EIF3J: variants seen among roughly 807,000 people sequenced by gnomAD.
EIF3J encodes eukaryotic translation initiation factor 3, subunit 1 (alpha, 35kD).
EIF3J carries 15 observed loss-of-function variants against 39.0 expected under a neutral mutation model. The observed-to-expected ratio is 0.38, with a 90% CI of 0.26 to 0.59. EIF3J has a LOEUF of 0.59. Among genes scored for constraint, EIF3J ranks in the 20% least tolerant of loss-of-function variants. The pLI is 0.60. For missense variants in EIF3J, 226 were observed against 308.6 expected (o/e 0.73, Z 2.00); for synonymous variants, 98 against 112.9 (o/e 0.87, Z 0.84).
intron 5 of EIF3J, 52 bp downstream of exon 5, chr15:44,554,719 C>T (rs756809308): frequency 8.3e-7 from 1 of 1,208,052 alleles, no homozygotes; most frequent in Non-Finnish European, 1.2e-6. Flanking sequence ...CAGGTGAAGA[C>T]CCAGAAAGTT....
chr15:44,553,382 C>T (rs753833677), intron 4 of EIF3J, among the ~76,000 whole-genome samples: 1 of 151,798 alleles, frequency 6.6e-6, no homozygotes, highest in African/African-American at 2.4e-5. Flanking sequence ...GTCCCAGCTA[C>T]CTGGGAGGCT....
chr15:44,540,256 TA>T (rs1567115179), intron 2 of EIF3J, among the ~76,000 whole-genome samples: 6 of 56,900 alleles, frequency 1.1e-4, no homozygotes, highest in African/African-American at 3.1e-4. Context: ...TATATATATA[TA>T]TATATATATA....
chr15:44,558,946 G>C (rs1392838392), intron 6 of EIF3J: 1 of 152,158 alleles, frequency 6.6e-6, no homozygotes, highest in Non-Finnish European at 1.5e-5. Context: ...AAAAACTGGT[G>C]TCTCTTTCCA....
rs985695036 is a variant in EIF3J, at chr15:44,550,777, A to T, written c.148-99A>T. ...TATAAATTTAATGCAGTACAAAAAA[A>T]TACCAACAAACATTTCTCTGGAGTT... On this transcript the variant is annotated intron_variant, in intron 2 of 7. Coordinates refer to ENST00000261868, the MANE Select transcript of EIF3J (RefSeq NM_003758.4). The T allele has an allele frequency of 8.1e-6, 7 of 864,864 alleles. No homozygotes were observed. In the Admixed American group the frequency reaches 1.3e-4, roughly 17 times the overall value. The allele number at this position is 864,864 out of a possible 1,614,324, so 53.6% of individuals were successfully genotyped here. A position where few individuals can be genotyped will look rare whatever the true frequency, so the allele number is the denominator to read the frequency against.
intron 2 of EIF3J, among the ~76,000 whole-genome samples, chr15:44,549,054 C>A (rs931832715): frequency 7.2e-5 from 11 of 151,788 alleles, no homozygotes; most frequent in African/African-American, 2.7e-4. Flanking sequence ...AAAAATGAAA[C>A]CCTATACATT....
intron 2 of EIF3J, among the ~76,000 whole-genome samples, chr15:44,541,609 G>T (rs980999092): frequency 1.3e-5 from 2 of 152,154 alleles, no homozygotes; most frequent in African/African-American, 4.8e-5. Context: ...TAAATAGTTT[G>T]AATCTACCAG....
chr15:44,540,582 T>C (rs146597362), intron 2 of EIF3J, among the ~76,000 whole-genome samples: 1 of 152,102 alleles, frequency 6.6e-6, no homozygotes, highest in East Asian at 1.9e-4. Context: ...CTATTTATTT[T>C]GAGACAGATT....
rs1270979420 is a variant in EIF3J, at chr15:44,561,727, T to C, written c.*578T>C. On this transcript the variant is annotated 3_prime_UTR_variant, in exon 8 of 8. Coordinates refer to ENST00000261868, the MANE Select transcript of EIF3J (RefSeq NM_003758.4). ...ATTAAAATGACCAAAACCCTCCAAC[T>C]TTGAAGCTAAAGAAGGTAAACCTTT... 6.6e-6 allele frequency: 1 copy of C among 152,516 alleles called. No individual in the cohort carries two copies. The highest frequency in any genetic ancestry group is 1.5e-5 in the Non-Finnish European group (1 of 68,048). The allele number at this position is 152,516 out of a possible 1,614,324, so 9.4% of individuals were successfully genotyped here. A position where few individuals can be genotyped will look rare whatever the true frequency, so the allele number is the denominator to read the frequency against.
intron 4 of EIF3J, among the ~76,000 whole-genome samples, chr15:44,553,628 AGTG>A (rs1409920259): frequency 6.6e-6 from 1 of 152,238 alleles, no homozygotes; most frequent in African/African-American, 2.4e-5. Context: ...AATTTGTTAT[AGTG>A]GTAATTTTAT....
At chr15:44,547,714 C>T (rs2082066531) in intron 2 of EIF3J, among the ~76,000 whole-genome samples, 2 of 151,266 alleles carry the variant, frequency 1.3e-5, no homozygotes, top group Non-Finnish European at 2.9e-5. Context: ...TCCCAAAGTG[C>T]TGGGATTACA....
At chr15:44,548,973 A>G (rs2082076028) in intron 2 of EIF3J, among the ~76,000 whole-genome samples, 1 of 152,176 alleles carries the variant, frequency 6.6e-6, no homozygotes, top group Non-Finnish European at 1.5e-5. Flanking sequence ...TTGGGAAAAA[A>G]ATGAAATTAG....
chr15:44,547,534 C>T (rs1436231966), intron 2 of EIF3J, among the ~76,000 whole-genome samples: 1 of 150,514 alleles, frequency 6.6e-6, no homozygotes, highest in Non-Finnish European at 1.5e-5. Context: ...ACTGCAACCT[C>T]CCACTCCTGG....
chr15:44,537,303 A>G, intron 1 of EIF3J, 21 bp from the exon 2 acceptor site: 1 of 1,561,194 alleles, frequency 6.4e-7, no homozygotes, highest in Non-Finnish European at 8.7e-7. Flanking sequence ...AGGCACTAAC[A>G]CGGCTCGCTT....
At chr15:44,544,564 C>T (rs1017993893) in intron 2 of EIF3J, among the ~76,000 whole-genome samples, 5 of 151,358 alleles carry the variant, frequency 3.3e-5, no homozygotes, top group East Asian at 4.0e-4. Context: ...TTAGCCAGTT[C>T]GTGGTAGCAC....
At chr15:44,556,230 A>G (rs2082143309) in intron 5 of EIF3J, among the ~76,000 whole-genome samples, 1 of 152,168 alleles carries the variant, frequency 6.6e-6, no homozygotes, top group Non-Finnish European at 1.5e-5. Context: ...GAGTTAGACA[A>G]ATACTTTCAC....
intron 4 of EIF3J, among the ~76,000 whole-genome samples, chr15:44,552,239 A>G (rs1309745621): frequency 2.0e-5 from 3 of 151,934 alleles, no homozygotes; most frequent in African/African-American, 4.8e-5. Context: ...TCAGAAATAT[A>G]TGCTTGTTTT....
chr15:44,546,824 T>G lies in EIF3J; in HGVS notation c.148-4052T>G, dbSNP rs934357314. On this transcript the variant is annotated intron_variant, in intron 2 of 7. Coordinates refer to ENST00000261868, the MANE Select transcript of EIF3J (RefSeq NM_003758.4). ...AAAAACAGAGTATAGATCTTTTTTT[T>G]TTTTTTTTTTTTTTTTTTTTGAGAC... 6.2e-3 allele frequency among the ~76,000 whole-genome samples: 779 copies of G among 125,918 alleles called. 13 individuals carry two copies. Among genetic ancestry groups the G allele is most frequent in the African/African-American group, 0.027 (752 of 27,382 alleles). The allele number at this position is 125,918 out of a possible 152,430, so 82.6% of individuals were successfully genotyped here.
chr15:44,556,648 A>G (rs911349628), intron 5 of EIF3J, among the ~76,000 whole-genome samples: 1 of 152,112 alleles, frequency 6.6e-6, no homozygotes. Flanking sequence ...CTGGGATTAC[A>G]GATACATGCC....
chr15:44,552,064 A>G (rs2556565), intron 4 of EIF3J, among the ~76,000 whole-genome samples: 130,338 of 151,866 alleles, frequency 0.86, 56,820 homozygotes, highest in East Asian at 1. Context: ...CTCGTGATCC[A>G]CCCGCCTCGG....
Sources: allele counts gnomAD v4.1 joint callset (sites outside exome capture counted in the v4.1 genomes callset), GRCh38; gene constraint gnomAD v4.1.1; transcripts MANE v1.5; gene names NCBI Gene and HGNC (gene_info 2026-07-23, HGNC 2026-07-21).